Variants in ELAPOR2 observed in about 807,000 individuals in gnomAD.
ELAPOR2 encodes the protein endosome/lysosome-associated apoptosis and autophagy regulator family member 2.
Under a neutral mutation model 120.7 loss-of-function variants are expected in ELAPOR2, and 89 were observed. The observed-to-expected ratio is 0.74, with a 90% CI of 0.62 to 0.88. The LOEUF (loss-of-function observed/expected upper bound fraction) is 0.88, where lower values mean the gene tolerates loss of function less well. Ranked by LOEUF, ELAPOR2 falls within the 40% of genes least tolerant of loss-of-function variation. The pLI is 0.00. For missense variants in ELAPOR2, 1,134 were observed against 1,251.6 expected, an observed-to-expected ratio of 0.91 and a Z score of 1.42; for synonymous variants, 444 against 444.9, an observed-to-expected ratio of 1.00 and a Z score of 0.03.
chr7:86,897,119 T>A (rs1302078813), intron 19 of ELAPOR2, among the ~76,000 whole-genome samples: 1 of 151,730 alleles, frequency 6.6e-6, no homozygotes, highest in South Asian at 2.1e-4. Flanking sequence ...AGCTATAGAG[T>A]AGGATCTTGA....
At chr7:86,899,822 T>C (rs1009028289) in intron 18 of ELAPOR2, among the ~76,000 whole-genome samples, 1 of 151,996 alleles carries the variant, frequency 6.6e-6, no homozygotes, top group Non-Finnish European at 1.5e-5. Context: ...GGGAAAATGG[T>C]TTAATTCTTA....
At chr7:87,053,766 A>G (rs1795184412) in intron 1 of ELAPOR2, among the ~76,000 whole-genome samples, 1 of 152,160 alleles carries the variant, frequency 6.6e-6, no homozygotes, top group Non-Finnish European at 1.5e-5. Flanking sequence ...CTAGGTCAGG[A>G]GGCTTCCTCT....
At chr7:87,023,037 C>T (rs1045545061) in intron 1 of ELAPOR2, among the ~76,000 whole-genome samples, 4 of 152,166 alleles carry the variant, frequency 2.6e-5, no homozygotes, top group African/African-American at 9.7e-5. Flanking sequence ...CCTGTTCACT[C>T]TGATGTTAGT....
At chr7:86,932,492 C>T (rs1790370526) in intron 8 of ELAPOR2, among the ~76,000 whole-genome samples, 1 of 151,764 alleles carries the variant, frequency 6.6e-6, no homozygotes, top group South Asian at 2.1e-4. Context: ...AGGAGGGTGG[C>T]GGGGGGAGAC....
intron 1 of ELAPOR2, among the ~76,000 whole-genome samples, chr7:87,052,386 C>T (rs1795134680): frequency 6.6e-6 from 1 of 152,198 alleles, no homozygotes; most frequent in Admixed American, 6.5e-5. Flanking sequence ...ATGAGAACAG[C>T]ATGTGAAATA....
chr7:87,002,215 C>T (rs1300192948), intron 1 of ELAPOR2, among the ~76,000 whole-genome samples: 1 of 152,122 alleles, frequency 6.6e-6, no homozygotes, highest in Non-Finnish European at 1.5e-5. Flanking sequence ...GTCACGGTAC[C>T]CCTCTAGCAT....
chr7:86,956,215 T>C (rs910016662), intron 2 of ELAPOR2, among the ~76,000 whole-genome samples: 2 of 152,160 alleles, frequency 1.3e-5, no homozygotes, highest in Non-Finnish European at 2.9e-5. Flanking sequence ...GGTGAAGTTG[T>C]AGGACACATG....
chr7:86,890,846 G>A (rs1011781839), intron 21 of ELAPOR2, among the ~76,000 whole-genome samples: 4 of 151,930 alleles, frequency 2.6e-5, no homozygotes, highest in Admixed American at 1.3e-4. Context: ...CTATATTTAT[G>A]TGCCTAAATT....
rs572753269 is a variant in ELAPOR2 at position 86,894,838 on chromosome 7, C to G, written c.2686-1738G>C. Among the ~76,000 whole-genome samples the G allele has an allele frequency of 6.6e-5, 10 of 152,116 alleles. No homozygotes were observed. In the East Asian group the frequency reaches 1.7e-3, roughly 27 times the overall value. Reference sequence around the variant, plus strand: ...CCTTAGTGATAACACAGTATCTCTTCAAATCTTTAGTGCTGCATGACATAT... The same window carrying G: ...CCTTAGTGATAACACAGTATCTCTTGAAATCTTTAGTGCTGCATGACATAT... On this transcript the variant is annotated intron_variant, in intron 19 of 21. Transcript: ENST00000450689.
chr7:86,987,590 A>T (rs147078427), intron 1 of ELAPOR2, among the ~76,000 whole-genome samples: 2,732 of 152,206 alleles, frequency 0.018, 39 homozygotes, highest in Non-Finnish European at 0.028. Context: ...ACAGATACAT[A>T]AAAAAATGCT....
chr7:87,017,280 A>G (rs909823940), intron 1 of ELAPOR2, among the ~76,000 whole-genome samples: 20 of 152,224 alleles, frequency 1.3e-4, no homozygotes, highest in Non-Finnish European at 4.4e-5. Context: ...AGATTTTACT[A>G]TCACATTGTT....
intron 1 of ELAPOR2, among the ~76,000 whole-genome samples, chr7:86,982,320 A>G (rs181196501): frequency 1.1e-3 from 171 of 152,328 alleles, no homozygotes; most frequent in Middle Eastern, 6.8e-3. Flanking sequence ...TTCTCCCAGC[A>G]TGGTGTTTGA....
chr7:86,892,290 A>G (rs1292398139), intron 20 of ELAPOR2, among the ~76,000 whole-genome samples: 1 of 152,038 alleles, frequency 6.6e-6, no homozygotes, highest in Non-Finnish European at 1.5e-5. Context: ...GGTCTTTATC[A>G]TCTCTCTATA....
intron 1 of ELAPOR2, among the ~76,000 whole-genome samples, chr7:87,026,637 T>C (rs1794253114): frequency 6.6e-6 from 1 of 152,042 alleles, no homozygotes; most frequent in Non-Finnish European, 1.5e-5. Context: ...CGTAAGCCTA[T>C]AAAGGAGTGA....
rs142616796 is a variant in ELAPOR2 at position 87,020,245 on chromosome 7, T to C, written c.189+39080A>G. Among the ~76,000 whole-genome samples the C allele has an allele frequency of 1.4e-4, 21 of 152,272 alleles. No homozygotes were observed. The East Asian group carries it at 2.5e-3, about 18-fold the overall frequency. On this transcript the variant is annotated intron_variant, in intron 1 of 21. Coordinates refer to ENST00000450689, the MANE Select transcript of ELAPOR2 (RefSeq NM_001142749.3). ...GCAAAACATAAATTTGAAGTAATTG[T>C]AATTCTGTATTTTCTAAATTTTCTA...
At chr7:86,961,824 A>G (rs1562945422) in intron 2 of ELAPOR2, among the ~76,000 whole-genome samples, 1 of 152,198 alleles carries the variant, frequency 6.6e-6, no homozygotes, top group South Asian at 2.1e-4. Context: ...CACAGATGCT[A>G]AACTCTTGGC....
chr7:86,910,603 T>C (rs941602277), intron 15 of ELAPOR2, among the ~76,000 whole-genome samples: 4 of 152,112 alleles, frequency 2.6e-5, no homozygotes, highest in Non-Finnish European at 5.9e-5. Flanking sequence ...TTAAAGGTAA[T>C]AGAGAGATTA....
At chr7:86,880,582 T>C in intron 21 of ELAPOR2, 52 bp from the exon 22 acceptor site, 3 of 1,160,814 alleles carry the variant, frequency 2.6e-6, no homozygotes, top group Non-Finnish European at 3.9e-6. Flanking sequence ...CTCGTAAGAT[T>C]TTAGGATCTT....
At chr7:86,882,290 T>C (rs1799451365) in intron 21 of ELAPOR2, among the ~76,000 whole-genome samples, 1 of 152,152 alleles carries the variant, frequency 6.6e-6, no homozygotes, top group African/African-American at 2.4e-5. Flanking sequence ...AAGGAGTTCA[T>C]AGGATATTAA....
Sources: allele counts gnomAD v4.1 joint callset (sites outside exome capture counted in the v4.1 genomes callset), GRCh38; gene constraint gnomAD v4.1.1; transcripts MANE v1.5; gene names NCBI Gene and HGNC (gene_info 2026-07-23, HGNC 2026-07-21).